SFPQ: variants seen among roughly 807,000 people sequenced by gnomAD.
SFPQ encodes splicing factor, proline- and glutamine-rich.
A neutral mutation model predicts 72.9 loss-of-function variants in SFPQ; 11 were observed. That is an observed-to-expected ratio of 0.15 (90% confidence interval 0.09 to 0.25). The LOEUF (loss-of-function observed/expected upper bound fraction) is 0.25. Among genes scored for constraint, SFPQ ranks in the 10% least tolerant of loss-of-function variants. SFPQ has a pLI of 1.00. For synonymous variants in SFPQ, 506 were observed against 367.3 expected, an observed-to-expected ratio of 1.38 and a Z score of -4.32; for missense variants, 847 against 993.3, an observed-to-expected ratio of 0.85 and a Z score of 1.98.
Position 35,191,343 on chromosome 1 carries a change from G to A in SFPQ, c.1015C>T (p.Leu339Phe). The change falls in exon 2 of 10, where the codon CTT (leucine) becomes TTT (phenylalanine). Residue 339 changes from leucine (L) to phenylalanine (F), a missense_variant and splice_region_variant. By Grantham distance (22) the Leu-to-Phe change is conservative. Around this residue, in one of 6 missense-constraint regions of SFPQ, gnomAD observed 9 missense variants for 50.0 expected, o/e 0.18. Coordinates refer to ENST00000357214, the MANE Select transcript of SFPQ (RefSeq NM_005066.3). ...NKGKGFGFIK[L>F]ESRALAEIAK... ...TAAAATCAAACAATTACACTCACAA[G>A]CTTAATAAATCCGAATCCTTTGCCT... 2 of 1,612,710 alleles carry A rather than the reference G, an allele frequency of 1.2e-6. No individual in the cohort carries two copies. The highest frequency in any genetic ancestry group is 1.7e-6 in the Non-Finnish European group (2 of 1,178,898).
In SFPQ at chr1:35,193,043, G is replaced by C. The variant is rs1420514667; in HGVS notation, c.7C>G (p.Arg3Gly). The change falls in exon 1 of 10, where the codon CGG (arginine) becomes GGG (glycine). Residue 3 changes from arginine to glycine, a missense_variant. Around this residue, in one of 6 missense-constraint regions of SFPQ, gnomAD observed 19 missense variants for 43.8 expected, o/e 0.43. Transcript: ENST00000357214. The stretch of plus-strand genomic sequence containing the variant: ...CCGCCACGACTCCGGAACCGATCCC[G>C]AGACATGTCTGTGGTCAAGGGGCGG... MSRDRFRSRGGGG... is the reference protein window; with the variant it reads MSGDRFRSRGGGG... 3.8e-6 allele frequency: 6 copies of C among 1,579,676 alleles called. No homozygotes were observed. The highest frequency in any genetic ancestry group is 5.1e-6 in the Non-Finnish European group (6 of 1,171,150).
intron 2 of SFPQ, 49 bp from the exon 3 acceptor site, chr1:35,191,044 C>A: frequency 6.7e-7 from 1 of 1,495,960 alleles, no homozygotes; most frequent in Non-Finnish European, 9.2e-7. Context: ...TGGATGATGT[C>A]TACTCTTAAA....
chr1:35,181,450 A>T (rs1341785383), downstream of SFPQ: 4 of 1,063,570 alleles, frequency 3.8e-6, no homozygotes, highest in East Asian at 2.0e-4. Flanking sequence ...TGTTTATATT[A>T]GTGGTACAAT....
At chr1:35,187,333 T>C in intron 7 of SFPQ, 82 bp from the exon 8 acceptor site, 1 of 1,271,158 alleles carries the variant, frequency 7.9e-7, no homozygotes, top group Non-Finnish European at 1.1e-6. Flanking sequence ...TTTCAAGAGT[T>C]AAATAAAAAA....
rs1343260945 is a variant in SFPQ at position 35,192,357 on chromosome 1, G to T, written c.693C>A (p.Pro231=). The change falls in exon 1 of 10, where the codon CCC becomes CCA. Residue 231 remains proline (P), a synonymous_variant. Transcript: ENST00000357214. Reference sequence around the variant, plus strand: ...CCCCGCCGCCTCGATGCGGCGGCTTGGGGTGGCCGCCAGGCGTACTTAGGC... The same window carrying T: ...CCCCGCCGCCTCGATGCGGCGGCTTTGGGTGGCCGCCAGGCGTACTTAGGC... ...GPGLSTPGGH[P]KPPHRGGGEP... is the part of the protein sequence containing the mutation. 7 of 1,389,608 alleles carry T rather than the reference G, an allele frequency of 5.0e-6. No homozygotes were observed. In the Admixed American group the frequency reaches 1.2e-4, roughly 23 times the overall value. 86.1% of individuals were successfully genotyped at this position (1,389,608 alleles called of 1,614,324 possible).
intron 5 of SFPQ, among the ~76,000 whole-genome samples, chr1:35,177,034 G>A (rs1206819651): frequency 6.6e-6 from 1 of 152,006 alleles, no homozygotes; most frequent in African/African-American, 2.4e-5. Flanking sequence ...TGACCAACAT[G>A]GTCAAACCCT....
At position 35,183,553 on chromosome 1, in the gene SFPQ, T is replaced by C; in HGVS notation, c.*903A>G. On this transcript the variant is annotated 3_prime_UTR_variant, in exon 10 of 10. Coordinates refer to ENST00000357214, the MANE Select transcript of SFPQ (RefSeq NM_005066.3). ...CCTTCTTACTTTCAAGTTTTGTTTT[T>C]TAGACTACACCCCATCTTTATAAAT... 2 of 1,017,618 alleles carry C rather than the reference T, an allele frequency of 2.0e-6. No individual in the cohort carries two copies. Among genetic ancestry groups the C allele is most frequent in the Non-Finnish European group, 2.4e-6 (2 of 848,682 alleles). The allele number at this position is 1,017,618 out of a possible 1,614,324, so 63.0% of individuals were successfully genotyped here.
chr1:35,192,798 C>T lies in SFPQ; in HGVS notation c.252G>A (p.Pro84=), dbSNP rs1553154596. The T allele has an allele frequency of 4.0e-6, 6 of 1,501,804 alleles. No individual in the cohort carries two copies. Among genetic ancestry groups the T allele is most frequent in the African/African-American group, 1.4e-5 (1 of 69,060 alleles). The allele number at this position is 1,501,804 out of a possible 1,614,324, so 93.0% of individuals were successfully genotyped here. The part of the protein sequence containing the change: ...PQQPPPQQPP[P]HQPPPHPQPH... The stretch of plus-strand genomic sequence containing the variant: ...GCTGTGGATGCGGCGGCGGCTGATG[C>T]GGTGGCGGCTGCTGCGGCGGTGGCT... The change falls in exon 1 of 10, where the codon CCG becomes CCA. Residue 84 remains proline, a synonymous_variant. Coordinates refer to ENST00000357214, the MANE Select transcript of SFPQ (RefSeq NM_005066.3).
intron 9 of SFPQ, among the ~76,000 whole-genome samples, chr1:35,185,699 A>G (rs891739334): frequency 6.6e-6 from 1 of 152,212 alleles, no homozygotes; most frequent in Non-Finnish European, 1.5e-5. Context: ...CTTTTAAACA[A>G]AATACTATTG....
intron 1 of SFPQ, among the ~76,000 whole-genome samples, chr1:35,191,899 G>A (rs1007398143): frequency 2.0e-5 from 3 of 152,208 alleles, no homozygotes; most frequent in African/African-American, 7.2e-5. Context: ...GGAACTTCCC[G>A]GTTCTCTCCA....
downstream of SFPQ, chr1:35,177,947 C>A: frequency 1.0e-6 from 1 of 983,208 alleles, no homozygotes; most frequent in Non-Finnish European, 1.3e-6. Flanking sequence ...TTAAATCAAA[C>A]TCAAAAGCCT....
chr1:35,188,259 C>T (rs920778666), intron 6 of SFPQ, among the ~76,000 whole-genome samples, 169 bp from the exon 7 acceptor site: 1 of 152,192 alleles, frequency 6.6e-6, no homozygotes, highest in Non-Finnish European at 1.5e-5. Context: ...ATAATGTAGG[C>T]TTTATTAAGG....
In SFPQ at chr1:35,190,381, T is replaced by A. The variant is rs79294068; in HGVS notation, c.1415+117A>T. 661 of 677,694 alleles carry A rather than the reference T, an allele frequency of 9.8e-4. 2 individuals are homozygous for A. The African/African-American group carries it at 0.011, about 11-fold the overall frequency. The allele number at this position is 677,694 out of a possible 1,614,324, so 42.0% of individuals were successfully genotyped here. On this transcript the variant is annotated intron_variant, in intron 4 of 9. Transcript: ENST00000357214. Reference sequence around the variant, plus strand: ...TTCTCAGCCTGAGATTTTTTACTAATAAGCATATCCACATCAAATAATTTT... The same window carrying A: ...TTCTCAGCCTGAGATTTTTTACTAAAAAGCATATCCACATCAAATAATTTT...
At chr1:35,181,736 A>C (rs763241453), downstream of SFPQ, 190 of 1,061,020 alleles carry the variant, frequency 1.8e-4, no homozygotes, top group Non-Finnish European at 2.1e-4. Flanking sequence ...ATACTTCAAA[A>C]ATTGCTACCT....
rs756075836 is a variant in SFPQ at position 35,188,016 on chromosome 1, C to T, written c.1772G>A (p.Arg591His). Residue 591 changes from arginine to histidine, a missense_variant, in exon 7 of 10, where the codon CGC (arginine) becomes CAC (histidine). Coordinates refer to ENST00000357214, the MANE Select transcript of SFPQ (RefSeq NM_005066.3). ...RQREMEEQMR[R>H]QREESYSRMG... ...TCGGCTGTAACTTTCCTCTCTTTGG[C>T]GCCTCATTTGTTCTTCCATCTCACG... 3.7e-6 allele frequency: 6 copies of T among 1,614,090 alleles called. No homozygotes were observed. Among genetic ancestry groups the T allele is most frequent in the Non-Finnish European group, 5.1e-6 (6 of 1,179,962 alleles).
chr1:35,178,824 T>C (rs1639350272), downstream of SFPQ: 34 of 1,052,620 alleles, frequency 3.2e-5, no homozygotes, highest in African/African-American at 8.3e-5. Context: ...CTATATCGTT[T>C]TGCATTCTTC....
chr1:35,181,606 T>A (rs1639469361), downstream of SFPQ: 1 of 1,059,688 alleles, frequency 9.4e-7, no homozygotes, highest in African/African-American at 1.7e-5. Context: ...CAATATGCAG[T>A]TTTTAAAGAT....
At position 35,176,767 on chromosome 1, in the gene SFPQ, G is replaced by A. The variant is rs533317337; in HGVS notation, c.*106-296C>T. On this transcript the variant is annotated intron_variant and NMD_transcript_variant, in intron 5 of 5. Coordinates refer to the SFPQ transcript ENST00000460428. ...CGGGCGCCTGCAGTCCCAGCTACTC[G>A]GGAGGCTGAGGCAGGAGAATGGCGT... 9.9e-5 allele frequency among the ~76,000 whole-genome samples: 15 copies of A among 152,004 alleles called. No individual in the cohort carries two copies. In the South Asian group the frequency reaches 1.2e-3, roughly 13 times the overall value.
In SFPQ at chr1:35,184,439, A is replaced by G; in HGVS notation, c.*17T>C. The G allele has an allele frequency of 6.3e-7, 1 of 1,598,506 alleles. No individual in the cohort carries two copies. Among genetic ancestry groups the G allele is most frequent in the Non-Finnish European group, 8.5e-7 (1 of 1,175,456 alleles). ...AAAAAAACAAAACAAACTGGAATGA[A>G]AGCCTAAATATCACATCTAAAATCG... On this transcript the variant is annotated 3_prime_UTR_variant, in exon 10 of 10. Transcript: ENST00000357214.
Sources: allele counts gnomAD v4.1 joint callset (sites outside exome capture counted in the v4.1 genomes callset), GRCh38; gene constraint gnomAD v4.1.1; regional missense constraint gnomAD v4.1.1; transcripts MANE v1.5; gene names NCBI Gene and HGNC (gene_info 2026-07-23, HGNC 2026-07-21).